ADIPOR2: variants seen among roughly 807,000 people sequenced by gnomAD.
The protein encoded by ADIPOR2 is adiponectin receptor protein 2.
ADIPOR2 carries 18 observed loss-of-function variants against 40.9 expected under a neutral mutation model. That is an observed-to-expected ratio of 0.44 (90% CI 0.30 to 0.65). ADIPOR2 has a LOEUF of 0.65. Ranked by LOEUF, ADIPOR2 falls within the 30% of genes least tolerant of loss-of-function variation. ADIPOR2 has a pLI of 0.09. For missense variants in ADIPOR2, 283 were observed against 479.2 expected (o/e 0.59, Z 3.82); for synonymous variants, 165 against 166.4 (o/e 0.99, Z 0.06).
At chr12:1,772,512 C>T (rs1001219896) in intron 2 of ADIPOR2, among the ~76,000 whole-genome samples, 1 of 151,990 alleles carries the variant, frequency 6.6e-6, no homozygotes, top group African/African-American at 2.4e-5. Flanking sequence ...GAGGTTTTCC[C>T]CTTAGTAATT....
chr12:1,737,987 A>G (rs919338267), intron 1 of ADIPOR2, among the ~76,000 whole-genome samples: 1 of 152,178 alleles, frequency 6.6e-6, no homozygotes, highest in Non-Finnish European at 1.5e-5. Flanking sequence ...TCTTCTACAT[A>G]CTAAGGCAGG....
intron 1 of ADIPOR2, among the ~76,000 whole-genome samples, chr12:1,699,447 C>A (rs6489322): frequency 6.6e-6 from 1 of 152,060 alleles, no homozygotes; most frequent in African/African-American, 2.4e-5. Flanking sequence ...GCGAAACCCC[C>A]GTCTCTACTG....
At chr12:1,772,176 C>T (rs979974471) in intron 2 of ADIPOR2, among the ~76,000 whole-genome samples, 24 of 152,166 alleles carry the variant, frequency 1.6e-4, no homozygotes, top group Admixed American at 1.6e-3. Flanking sequence ...TTCCATTTCT[C>T]TAGACAAATC....
chr12:1,742,005 TA>T (rs71055190), intron 1 of ADIPOR2, among the ~76,000 whole-genome samples: 47,550 of 146,306 alleles, frequency 0.33, 7,915 homozygotes, highest in East Asian at 0.5. Flanking sequence ...ACTGAAAAGT[TA>T]AAAAAAAAAA....
intron 1 of ADIPOR2, among the ~76,000 whole-genome samples, chr12:1,744,482 C>A (rs529078192): frequency 6.6e-6 from 1 of 151,824 alleles, no homozygotes; most frequent in Non-Finnish European, 1.5e-5. Context: ...ACTATAGGCG[C>A]GTACCGCCAT....
chr12:1,739,830 G>A (rs7297514), intron 1 of ADIPOR2, among the ~76,000 whole-genome samples: 21,958 of 152,284 alleles, frequency 0.14, 1,697 homozygotes, highest in Admixed American at 0.24. Flanking sequence ...GCTGGGCGCA[G>A]TGGCTCACGC....
rs1042025415 is a variant in ADIPOR2 at position 1,712,921 on chromosome 12, G to A, written c.-87+21730G>A. ...GCAGAGCTGGGCCTTTGATTTAGATGCCTTGTACCCTTGATTAGCTAGAAA... is the reference window on the plus strand; with the variant it reads ...GCAGAGCTGGGCCTTTGATTTAGATACCTTGTACCCTTGATTAGCTAGAAA... On this transcript the variant is annotated intron_variant, in intron 1 of 7. Transcript: ENST00000357103. 5.3e-5 allele frequency among the ~76,000 whole-genome samples: 8 copies of A among 152,118 alleles called. 1 individual carries two copies. Among genetic ancestry groups the A allele is most frequent in the African/African-American group, 1.9e-4 (8 of 41,364 alleles).
At chr12:1,726,341 G>T (rs138909393) in intron 1 of ADIPOR2, among the ~76,000 whole-genome samples, 3 of 152,060 alleles carry the variant, frequency 2.0e-5, no homozygotes, top group Non-Finnish European at 2.9e-5. Flanking sequence ...GGGATTACAG[G>T]TGCATGCCAC....
At chr12:1,721,778 G>C (rs2094698376) in intron 1 of ADIPOR2, among the ~76,000 whole-genome samples, 1 of 152,184 alleles carries the variant, frequency 6.6e-6, no homozygotes, top group Non-Finnish European at 1.5e-5. Flanking sequence ...CTACAAAAGA[G>C]TCAGCCATGG....
In ADIPOR2 at chr12:1,749,862, G is replaced by T. The variant is rs1316870353; in HGVS notation, c.-86-4396G>T. The stretch of plus-strand genomic sequence containing the variant: ...TTTTTTTTTTTTTTTTGAGAAATGG[G>T]GTCTCATGCTGTTGTCCAGGCTGGA... On this transcript the variant is annotated intron_variant, in intron 1 of 7. Transcript: ENST00000357103. Among the ~76,000 whole-genome samples, 6 of 146,288 alleles carry T rather than the reference G, an allele frequency of 4.1e-5. No homozygotes were observed. In the South Asian group the frequency reaches 6.5e-4, roughly 16 times the overall value.
Position 1,754,395 on chromosome 12 carries a change from G to C in ADIPOR2, c.52G>C (p.Asp18His), listed in dbSNP as rs374120661. ...RLGCSRTPEP[D>H]IRLRKGHQLD... Reference sequence around the variant, plus strand: ...GGGGTGCAGCAGGACTCCAGAGCCAGATATAAGGCTCAGAAAAGGGCACCA... The same window carrying C: ...GGGGTGCAGCAGGACTCCAGAGCCACATATAAGGCTCAGAAAAGGGCACCA... Residue 18 changes from aspartate (D) to histidine (H), a missense_variant, in exon 2 of 8, where the codon GAT becomes CAT. By Grantham distance (81) the Asp-to-His change is moderately conservative. Around this residue, in one of 3 missense-constraint regions of ADIPOR2, gnomAD observed 65 missense variants for 79.9 expected, o/e 0.81. Coordinates refer to ENST00000357103, the MANE Select transcript of ADIPOR2 (RefSeq NM_024551.3). 4 of 1,613,436 alleles carry C rather than the reference G, an allele frequency of 2.5e-6. No individual in the cohort carries two copies. The highest frequency in any genetic ancestry group is 3.4e-6 in the Non-Finnish European group (4 of 1,179,702).
chr12:1,751,149 T>C (rs2094768373), intron 1 of ADIPOR2, among the ~76,000 whole-genome samples: 1 of 152,104 alleles, frequency 6.6e-6, no homozygotes, highest in South Asian at 2.1e-4. Flanking sequence ...GGGTGTTCTG[T>C]TTTGTTAAAT....
At chr12:1,707,789 G>T (rs556576464) in intron 1 of ADIPOR2, among the ~76,000 whole-genome samples, 1 of 152,230 alleles carries the variant, frequency 6.6e-6, no homozygotes, top group South Asian at 2.1e-4. Flanking sequence ...GCATTTTTCT[G>T]ATAGCAAATG....
chr12:1,706,064 TCTC>T (rs1270723461), intron 1 of ADIPOR2, among the ~76,000 whole-genome samples: 4 of 152,190 alleles, frequency 2.6e-5, no homozygotes, highest in Admixed American at 6.5e-5. Flanking sequence ...CAATTCACCT[TCTC>T]CTACAGAGAG....
At chr12:1,749,585 T>C (rs943867302) in intron 1 of ADIPOR2, among the ~76,000 whole-genome samples, 1 of 152,220 alleles carries the variant, frequency 6.6e-6, no homozygotes, top group African/African-American at 2.4e-5. Flanking sequence ...GTGTATTCTT[T>C]TGCTCATACC....
At chr12:1,712,869 T>C (rs896029102) in intron 1 of ADIPOR2, among the ~76,000 whole-genome samples, 1 of 152,154 alleles carries the variant, frequency 6.6e-6, no homozygotes, top group Non-Finnish European at 1.5e-5. Flanking sequence ...TGGCTAAGAT[T>C]AGGCCTAGAT....
At chr12:1,700,357 C>T (rs942374179) in intron 1 of ADIPOR2, among the ~76,000 whole-genome samples, 3 of 152,108 alleles carry the variant, frequency 2.0e-5, no homozygotes, top group Non-Finnish European at 2.9e-5. Context: ...TCCATGTATC[C>T]ATTCCTTTGG....
chr12:1,783,376 G>A (rs1366659727), intron 6 of ADIPOR2, among the ~76,000 whole-genome samples: 2 of 150,944 alleles, frequency 1.3e-5, no homozygotes, highest in Non-Finnish European at 2.9e-5. Flanking sequence ...ACTAAGCTAA[G>A]CCTCTCTTAG....
intron 1 of ADIPOR2, among the ~76,000 whole-genome samples, chr12:1,731,218 G>A (rs920630525): frequency 1.3e-5 from 2 of 152,080 alleles, no homozygotes; most frequent in African/African-American, 4.8e-5. Context: ...GTGACACTGC[G>A]TGGCTGATGT....
Sources: allele counts gnomAD v4.1 joint callset (sites outside exome capture counted in the v4.1 genomes callset), GRCh38; gene constraint gnomAD v4.1.1; regional missense constraint gnomAD v4.1.1; transcripts MANE v1.5; gene names NCBI Gene and HGNC (gene_info 2026-07-23, HGNC 2026-07-21).